Variants in ZFP28 observed in about 807,000 individuals in gnomAD.
ZFP28 encodes zinc finger protein 28 homolog.
ZFP28 carries 31 observed loss-of-function variants against 39.5 expected under a neutral mutation model. The ratio of observed to expected loss-of-function variants is 0.79; its 90% CI spans 0.59 to 1.06. ZFP28 has a LOEUF of 1.06. Ranked by LOEUF, ZFP28 falls within the 50% of genes least tolerant of loss-of-function variation. ZFP28 has a pLI of 0.00. For missense variants in ZFP28, 925 were observed against 1,048.4 expected, an observed-to-expected ratio of 0.88 and a Z score of 1.63; for synonymous variants, 400 against 378.6, an observed-to-expected ratio of 1.06 and a Z score of -0.66.
chr19:56,539,203 C>A lies in ZFP28; in HGVS notation c.185C>A (p.Ala62Asp), dbSNP rs1362970397. Reference sequence around the variant, plus strand: ...GCATCCAAAGGCCAGCGAGGAGCGGCCCCTACGGGGCCTGGGCACAGAGGT... The same window carrying A: ...GCATCCAAAGGCCAGCGAGGAGCGGACCCTACGGGGCCTGGGCACAGAGGT... The part of the protein sequence containing the change: ...GLASKGQRGA[A>D]PTGPGHRALP... Residue 62 changes from alanine (A) to aspartate (D), a missense_variant, in exon 1 of 8, where the codon GCC becomes GAC. By Grantham distance (126) the Ala-to-Asp change is moderately radical. Coordinates refer to ENST00000301318, the MANE Select transcript of ZFP28 (RefSeq NM_020828.2). 1.3e-6 allele frequency: 2 copies of A among 1,594,670 alleles called. No homozygotes were observed. The highest frequency in any genetic ancestry group is 2.3e-5 in the East Asian group (1 of 44,206).
intron 5 of ZFP28, among the ~76,000 whole-genome samples, chr19:56,549,594 A>T (rs370105639): frequency 6.0e-5 from 9 of 149,078 alleles, no homozygotes; most frequent in Admixed American, 1.3e-4. Context: ...GGAGAATGGC[A>T]TGAACCCGGG....
intron 2 of ZFP28, chr19:56,545,827 G>A (rs1045107116): frequency 1.3e-5 from 2 of 152,186 alleles, no homozygotes; most frequent in African/African-American, 4.8e-5. Context: ...GAACTTGAAG[G>A]CTACATTATC....
rs757110359 is a variant in ZFP28, at chr19:56,555,282, C to T, written c.2497C>T (p.Arg833Ter). Residue 833 changes from arginine (R) to a stop codon, truncating the protein, a stop_gained, in exon 8 of 8, where the codon CGA becomes TGA. Transcript: ENST00000301318. LOFTEE classifies it low-confidence loss of function (END_TRUNC). ...RQTAHLAHHQRIHTGESSTCP... is the reference protein window; with the variant it reads ...RQTAHLAHHQ ...AACTGCTCACTTAGCTCATCATCAG[C>T]GAATTCATACTGGAGAGTCGTCAAC... The T allele has an allele frequency of 5.6e-6, 9 of 1,614,106 alleles. No homozygotes were observed. In the East Asian group the frequency reaches 6.7e-5, roughly 12 times the overall value.
intron 4 of ZFP28, 120 bp downstream of exon 4, chr19:56,548,022 T>G: frequency 1.1e-6 from 1 of 878,736 alleles, no homozygotes. Context: ...TCTGTTATTT[T>G]TACTATTTGG....
At position 56,539,643 on chromosome 19, in the gene ZFP28, C is replaced by T; in HGVS notation, c.227C>T (p.Thr76Ile). 1 of 1,614,100 alleles carries T rather than the reference C, an allele frequency of 6.2e-7. No homozygotes were observed. The highest frequency in any genetic ancestry group is 1.1e-5 in the South Asian group (1 of 91,086). Residue 76 changes from threonine to isoleucine, a missense_variant, in exon 2 of 8, where the codon ACT (threonine) becomes ATT (isoleucine). Coordinates refer to ENST00000301318, the MANE Select transcript of ZFP28 (RefSeq NM_020828.2). ...CTTTCAGCTCTGCCTTCCAGGGACACTGCTCTTCCCCAGGAGAGAAACAAG... is the reference window on the plus strand; with the variant it reads ...CTTTCAGCTCTGCCTTCCAGGGACATTGCTCTTCCCCAGGAGAGAAACAAG... ...PGHRALPSRD[T>I]ALPQERNKKL...
chr19:56,544,810 T>C (rs1288044759), intron 2 of ZFP28: 1 of 152,254 alleles, frequency 6.6e-6, no homozygotes, highest in Admixed American at 6.5e-5. Flanking sequence ...GTAAAAGACA[T>C]TTTTAAAACA....
chr19:56,543,365 A>G (rs2044212731), intron 2 of ZFP28, among the ~76,000 whole-genome samples: 1 of 142,580 alleles, frequency 7.0e-6, no homozygotes, highest in African/African-American at 2.6e-5. Context: ...TTATATATAT[A>G]TTAATATATG....
chr19:56,538,903 G>A, upstream of ZFP28: 3 of 938,174 alleles, frequency 3.2e-6, no homozygotes, highest in East Asian at 3.7e-5. Context: ...CCCAGTGGAT[G>A]CCGGGCCATG....
intron 2 of ZFP28, among the ~76,000 whole-genome samples, chr19:56,540,038 A>G (rs951719105): frequency 3.3e-5 from 5 of 152,158 alleles, no homozygotes; most frequent in African/African-American, 1.2e-4. Flanking sequence ...TCTGCTATAC[A>G]TGGTTTGTTT....
chr19:56,539,812 C>G, intron 2 of ZFP28, 96 bp downstream of exon 2: 1 of 1,123,686 alleles, frequency 8.9e-7, no homozygotes, highest in Non-Finnish European at 1.3e-6. Context: ...TTTAAGAGAC[C>G]TGTTTGGGCG....
upstream of ZFP28, among the ~76,000 whole-genome samples, chr19:56,538,797 CGG>C (rs1568482511): frequency 2.1e-5 from 2 of 95,448 alleles, no homozygotes; most frequent in East Asian, 3.3e-4. Flanking sequence ...CGGGGCGGGG[CGG>C]GGCGGGGCGG....
intron 7 of ZFP28, 149 bp downstream of exon 7, chr19:56,550,754 A>G: frequency 6.5e-7 from 1 of 1,540,794 alleles, no homozygotes. Context: ...GGAGTTCCAA[A>G]TAATTCTTTC....
chr19:56,555,334 A>G lies in ZFP28; in HGVS notation c.2549A>G (p.Asn850Ser). ...STCPSLPSTSNPVDLFPKFLW... is the reference protein window; with the variant it reads ...STCPSLPSTSSPVDLFPKFLW... ...TGCCCCTCTTTACCTTCCACGTCAA[A>G]TCCTGTGGATCTGTTTCCCAAATTT... The change falls in exon 8 of 8, where the codon AAT becomes AGT. Residue 850 changes from asparagine to serine, a missense_variant. This residue lies in a region of ZFP28 where 369 missense variants were observed against 505.5 expected (regional missense o/e 0.73). Transcript: ENST00000301318. The G allele has an allele frequency of 6.2e-7, 1 of 1,613,558 alleles. No homozygotes were observed. The highest frequency in any genetic ancestry group is 8.5e-7 in the Non-Finnish European group (1 of 1,179,818).
Position 56,547,570 on chromosome 19 carries a change from C to T in ZFP28, c.363C>T (p.Asn121=), listed in dbSNP as rs2044253500. 1 of 1,613,850 alleles carries T rather than the reference C, an allele frequency of 6.2e-7. No individual in the cohort carries two copies. The highest frequency in any genetic ancestry group is 8.5e-7 in the Non-Finnish European group (1 of 1,179,956). Residue 121 remains asparagine (N), a synonymous_variant, in exon 3 of 8, where the codon AAC becomes AAT. Transcript: ENST00000301318. The surrounding 1 kb of genome is among the most constrained non-coding windows in gnomAD (Gnocchi z 4.6). ...DFSQEEWEWL[N]PIQRNLYRKV... ...CCCAAGAGGAGTGGGAGTGGCTGAA[C>T]CCCATTCAGAGGAACTTGTACAGGA...
chr19:56,538,726 C>T (rs1191807065), upstream of ZFP28, among the ~76,000 whole-genome samples: 23 of 149,238 alleles, frequency 1.5e-4, no homozygotes, highest in Middle Eastern at 0.01. Context: ...GCGGCGCTGC[C>T]TGCGCACTGG....
intron 2 of ZFP28, among the ~76,000 whole-genome samples, chr19:56,540,838 C>G (rs567652392): frequency 6.6e-6 from 1 of 152,232 alleles, no homozygotes; most frequent in Admixed American, 6.5e-5. Context: ...CAATAGGCCC[C>G]CTTTTTTCCC....
intron 7 of ZFP28, chr19:56,551,439 C>T (rs1360083710): frequency 2.0e-6 from 2 of 985,336 alleles, no homozygotes; most frequent in Admixed American, 6.1e-5. Context: ...GTTACGCATA[C>T]ACGTTTTTCA....
At chr19:56,541,123 G>A (rs2044191860) in intron 2 of ZFP28, among the ~76,000 whole-genome samples, 1 of 152,114 alleles carries the variant, frequency 6.6e-6, no homozygotes, top group African/African-American at 2.4e-5. Context: ...CTCTGCCTGA[G>A]TGTCTGATGG....
At chr19:56,538,412 A>G (rs2044154437), upstream of ZFP28, 1 of 153,206 alleles carries the variant, frequency 6.5e-6, no homozygotes, top group Admixed American at 6.5e-5. Context: ...CCTCGCCGCA[A>G]GCCCCGCCTC....
Sources: gnomAD v4.1 joint callset for allele counts (sites outside exome capture counted in the v4.1 genomes callset) on GRCh38, gnomAD v4.1.1 for gene constraint, gnomAD v4.1.1 regional missense constraint, Gnocchi (gnomAD v3.1) non-coding constraint, MANE v1.5 for transcripts, NCBI Gene and HGNC (gene_info 2026-07-23, HGNC 2026-07-21) for gene names.